PTK7: variants seen among roughly 807,000 people sequenced by gnomAD.
PTK7 encodes the protein inactive tyrosine-protein kinase 7.
Under a neutral mutation model 116.6 loss-of-function variants are expected in PTK7, and 39 were observed. That is an observed-to-expected ratio of 0.33 (90% confidence interval 0.26 to 0.44). The LOEUF (loss-of-function observed/expected upper bound fraction) is 0.44. Ranked by LOEUF, PTK7 falls within the 20% of genes least tolerant of loss-of-function variation. PTK7 has a pLI of 1.00. For missense variants in PTK7, 1,169 were observed against 1,425.6 expected, an observed-to-expected ratio of 0.82 and a Z score of 2.90; for synonymous variants, 546 against 563.6, an observed-to-expected ratio of 0.97 and a Z score of 0.44.
Position 43,144,458 on chromosome 6 carries a change from T to G in PTK7, c.2259T>G (p.Pro753=). 1 of 1,614,112 alleles carries G rather than the reference T, an allele frequency of 6.2e-7. No homozygotes were observed. Among genetic ancestry groups the G allele is most frequent in the Non-Finnish European group, 8.5e-7 (1 of 1,180,004 alleles). ...EPEMECLNGG[P]LQNGQPSAEI... is the part of the protein sequence containing the mutation. ...TGTCCTCCTCCTTCCCAGGTGGGCC[T>G]TTGCAGAACGGGCAGCCCTCAGCAG... Residue 753 remains proline, a synonymous_variant, in exon 15 of 20, where the codon CCT becomes CCG. Transcript: ENST00000230419.
At chr6:43,128,204 T>C (rs925082760) in intron 1 of PTK7, among the ~76,000 whole-genome samples, 69 of 152,170 alleles carry the variant, frequency 4.5e-4, no homozygotes, top group African/African-American at 1.4e-3. Flanking sequence ...TGAGTCTGTA[T>C]TGGGGGAAGG....
intron 1 of PTK7, among the ~76,000 whole-genome samples, chr6:43,077,919 T>C (rs1269345574): frequency 1.3e-5 from 2 of 152,234 alleles, no homozygotes; most frequent in African/African-American, 4.8e-5. Flanking sequence ...TGCCCCGTTT[T>C]TCTTGTGATG....
At chr6:43,089,989 A>G (rs1766859797) in intron 1 of PTK7, among the ~76,000 whole-genome samples, 1 of 152,004 alleles carries the variant, frequency 6.6e-6, no homozygotes, top group African/African-American at 2.4e-5. Flanking sequence ...GTCTTTCCTT[A>G]CCCTCTTTAC....
chr6:43,076,833 A>AG lies in PTK7; in HGVS notation c.79+267dup. 1.4e-6 allele frequency: 2 copies of AG among 1,433,508 alleles called. No individual in the cohort carries two copies. The highest frequency in any genetic ancestry group is 1.8e-6 in the Non-Finnish European group (2 of 1,089,146). The allele number at this position is 1,433,508 out of a possible 1,614,324, so 88.8% of individuals were successfully genotyped here. ...AGCCTCCCTGAGTTTTTCTGGTCTG[A>AG]GCCGAGAGTTTGCTCGAGAACTGCC... is the stretch of plus-strand genomic sequence containing the variant. On this transcript the variant is annotated intron_variant, in intron 1 of 19. Coordinates refer to ENST00000230419, the MANE Select transcript of PTK7 (RefSeq NM_002821.5). The surrounding 1 kb of genome is among the most constrained non-coding windows in gnomAD (Gnocchi z 5.7).
At chr6:43,114,177 A>T (rs1768360572) in intron 1 of PTK7, among the ~76,000 whole-genome samples, 1 of 152,170 alleles carries the variant, frequency 6.6e-6, no homozygotes, top group African/African-American at 2.4e-5. Context: ...GTGTGCATGC[A>T]TGTGCGTGTG....
intron 13 of PTK7, chr6:43,142,581 C>T (rs1228170334): frequency 1.9e-6 from 1 of 514,466 alleles, no homozygotes; most frequent in African/African-American, 1.9e-5. Flanking sequence ...CCTGCAGCAG[C>T]CACACATATC....
chr6:43,127,500 G>A (rs1021242434), intron 1 of PTK7, among the ~76,000 whole-genome samples: 1 of 152,196 alleles, frequency 6.6e-6, no homozygotes, highest in Non-Finnish European at 1.5e-5. Context: ...CTTTGGTTGC[G>A]GGGACCCTGT....
chr6:43,088,035 C>T (rs1327965594), intron 1 of PTK7, among the ~76,000 whole-genome samples: 1 of 152,214 alleles, frequency 6.6e-6, no homozygotes, highest in African/African-American at 2.4e-5. Context: ...TGGTGGTTCA[C>T]ACCTGTAATC....
rs1277162015 is a variant in PTK7, at chr6:43,132,238, C to T, written c.961+74C>T. Reference sequence around the variant, plus strand: ...TTTTGGCACATAGAGATTTAGGCTTCTGTTTTTACTCAGCCGCTTGGAGGG... The same window carrying T: ...TTTTGGCACATAGAGATTTAGGCTTTTGTTTTTACTCAGCCGCTTGGAGGG... On this transcript the variant is annotated intron_variant, in intron 6 of 19. Coordinates refer to ENST00000230419, the MANE Select transcript of PTK7 (RefSeq NM_002821.5). 3.9e-6 allele frequency: 6 copies of T among 1,532,820 alleles called. No homozygotes were observed. In the African/African-American group the frequency reaches 6.9e-5, roughly 18 times the overall value. The allele number at this position is 1,532,820 out of a possible 1,614,324, so 95.0% of individuals were successfully genotyped here.
intron 1 of PTK7, among the ~76,000 whole-genome samples, chr6:43,091,515 T>G (rs1766956757): frequency 6.6e-6 from 1 of 152,128 alleles, no homozygotes; most frequent in African/African-American, 2.4e-5. Flanking sequence ...CTCGTTAGAG[T>G]TCTTGCAAGA....
At chr6:43,106,934 T>A (rs929022978) in intron 1 of PTK7, among the ~76,000 whole-genome samples, 1 of 141,212 alleles carries the variant, frequency 7.1e-6, no homozygotes, top group Non-Finnish European at 1.5e-5. Flanking sequence ...GAATTTTTTT[T>A]TTTTTTGAGA....
At chr6:43,107,065 G>C (rs1270195914) in intron 1 of PTK7, among the ~76,000 whole-genome samples, 1 of 151,938 alleles carries the variant, frequency 6.6e-6, no homozygotes, top group African/African-American at 2.4e-5. Flanking sequence ...TGGGACTATA[G>C]GTGTGCACCA....
intron 1 of PTK7, among the ~76,000 whole-genome samples, chr6:43,090,418 C>T (rs2150377574): frequency 6.6e-6 from 1 of 152,294 alleles, no homozygotes; most frequent in South Asian, 2.1e-4. Flanking sequence ...AAATTTGAAA[C>T]AAATGCCCTC....
intron 17 of PTK7, among the ~76,000 whole-genome samples, chr6:43,152,620 C>T (rs936830405): frequency 3.3e-5 from 5 of 152,152 alleles, no homozygotes; most frequent in Non-Finnish European, 5.9e-5. Flanking sequence ...CTGATCAGGA[C>T]GATGATGGGA....
intron 7 of PTK7, chr6:43,132,923 T>C (rs1769790237): frequency 1.6e-6 from 1 of 618,858 alleles, no homozygotes; most frequent in African/African-American, 1.8e-5. Flanking sequence ...GTCCTCTGGG[T>C]ACAGAGGAAA....
At chr6:43,109,140 C>T (rs557799658) in intron 1 of PTK7, among the ~76,000 whole-genome samples, 6 of 152,302 alleles carry the variant, frequency 3.9e-5, no homozygotes, top group African/African-American at 7.2e-5. Flanking sequence ...CTTACCCTTA[C>T]GAATGCTTAA....
chr6:43,089,397 G>A (rs531695843), intron 1 of PTK7, among the ~76,000 whole-genome samples: 1 of 152,208 alleles, frequency 6.6e-6, no homozygotes, highest in East Asian at 1.9e-4. Flanking sequence ...AGAGGGAGAA[G>A]GCTCTGTCAG....
intron 1 of PTK7, among the ~76,000 whole-genome samples, chr6:43,115,723 G>T (rs925666513): frequency 1.3e-5 from 2 of 151,838 alleles, no homozygotes; most frequent in African/African-American, 4.8e-5. Context: ...ATTGCTTGAG[G>T]TCAGAAGTTC....
rs762692851 is a variant in PTK7, at chr6:43,139,282, A to G, written c.1498+11A>G. On this transcript the variant is annotated intron_variant, in intron 9 of 19. Coordinates refer to ENST00000230419, the MANE Select transcript of PTK7 (RefSeq NM_002821.5). This position sits in a 1 kb window ranked among gnomAD's most constrained non-coding sequence, Gnocchi z 4.6. ...GTGTCCAAGTGCTGGGTGAGCCAGC[A>G]TGTCTTGGGGGAGCACCCTTCCTGG... 16 of 1,614,106 alleles carry G rather than the reference A, an allele frequency of 9.9e-6. No homozygotes were observed. The highest frequency in any genetic ancestry group is 1.4e-5 in the Non-Finnish European group (16 of 1,180,038).
Sources: gnomAD v4.1 joint callset for allele counts (sites outside exome capture counted in the v4.1 genomes callset) on GRCh38, gnomAD v4.1.1 for gene constraint, Gnocchi (gnomAD v3.1) non-coding constraint, MANE v1.5 for transcripts, NCBI Gene and HGNC (gene_info 2026-07-23, HGNC 2026-07-21) for gene names.